EHD2: variants seen among roughly 807,000 people sequenced by gnomAD.
The protein encoded by EHD2 is EH domain containing 2.
A neutral mutation model predicts 41.0 loss-of-function variants in EHD2; 27 were observed. That is an observed-to-expected ratio of 0.66 (90% confidence interval 0.49 to 0.91). The LOEUF (loss-of-function observed/expected upper bound fraction) is 0.91. Ranked by LOEUF, EHD2 falls within the 40% of genes least tolerant of loss-of-function variation. The pLI is 0.00. For missense variants in EHD2, 673 were observed against 773.9 expected, an observed-to-expected ratio of 0.87 and a Z score of 1.55; for synonymous variants, 342 against 341.0, an observed-to-expected ratio of 1.00 and a Z score of -0.03.
chr19:47,731,278 AAATATAT>A (rs1466711885), intron 4 of EHD2: 1 of 37,450 alleles, frequency 2.7e-5, no homozygotes, highest in African/African-American at 6.9e-5. Flanking sequence ...AAAAAAAAAA[AAATATAT>A]ATATATATAT....
chr19:47,725,791 GTCTC>G lies in EHD2; in HGVS notation c.503-18_503-15del. 6.4e-7 allele frequency: 1 copy of G among 1,558,988 alleles called. No individual in the cohort carries two copies. Among genetic ancestry groups the G allele is most frequent in the Non-Finnish European group, 8.7e-7 (1 of 1,147,194 alleles). On this transcript the variant is annotated splice_polypyrimidine_tract_variant and intron_variant, in intron 3 of 5. Coordinates refer to ENST00000263277, the MANE Select transcript of EHD2 (RefSeq NM_014601.4). ...TCTGATTTCTGCCCCTTGCGCCCCT[GTCTC>G]TCCACTCCCACTCCAGGCTACGACT...
intron 3 of EHD2, among the ~76,000 whole-genome samples, chr19:47,721,171 GT>G (rs1327902614): frequency 1.2e-5 from 1 of 86,542 alleles, no homozygotes; most frequent in African/African-American, 6.9e-5. Flanking sequence ...GGGGGTGTGT[GT>G]GTGTGTGTGT....
chr19:47,731,663 G>A (rs1457957536), intron 4 of EHD2, among the ~76,000 whole-genome samples: 1 of 151,908 alleles, frequency 6.6e-6, no homozygotes, highest in Non-Finnish European at 1.5e-5. Context: ...CCATCTCATG[G>A]AAAGGCATTC....
intron 4 of EHD2, among the ~76,000 whole-genome samples, chr19:47,728,374 G>A (rs866290345): frequency 6.6e-6 from 1 of 151,824 alleles, no homozygotes; most frequent in Non-Finnish European, 1.5e-5. Context: ...CCCCTTTCAA[G>A]ACTCTGCTCA....
intron 5 of EHD2, among the ~76,000 whole-genome samples, chr19:47,739,781 G>A (rs545819289): frequency 1.3e-5 from 2 of 151,000 alleles, no homozygotes; most frequent in South Asian, 4.2e-4. Flanking sequence ...AATGTTGTAC[G>A]TGCTGGCTGG....
intron 1 of EHD2, among the ~76,000 whole-genome samples, chr19:47,714,542 C>G (rs1258794295): frequency 6.6e-6 from 1 of 152,122 alleles, no homozygotes; most frequent in African/African-American, 2.4e-5. Flanking sequence ...AGATAGAGAA[C>G]ACAGTCTGGG....
intron 5 of EHD2, among the ~76,000 whole-genome samples, chr19:47,739,080 TTC>T: frequency 1.3e-5 from 2 of 152,028 alleles, no homozygotes; most frequent in African/African-American, 4.8e-5. Context: ...TTTCTTAACT[TTC>T]TTTTTTCTCT....
At chr19:47,717,219 T>G (rs1287409470) in intron 2 of EHD2, among the ~76,000 whole-genome samples, 1 of 152,102 alleles carries the variant, frequency 6.6e-6, no homozygotes, top group East Asian at 1.9e-4. Context: ...AGCGAGTTTT[T>G]GTATTATTAG....
chr19:47,741,349 C>T lies in EHD2; in HGVS notation c.1549C>T (p.Leu517=), dbSNP rs757234499. Reference sequence around the variant, plus strand: ...GGCCAGCCACCTCATCGAGGCCAAGCTGGAAGGCCACGGGCTGCCCGCCAA... The same window carrying T: ...GGCCAGCCACCTCATCGAGGCCAAGTTGGAAGGCCACGGGCTGCCCGCCAA... ...ALASHLIEAK[L]EGHGLPANLP... is the part of the protein sequence containing the mutation. Residue 517 remains leucine (L), a synonymous_variant, in exon 6 of 6, where the codon CTG becomes TTG. Transcript: ENST00000263277. The surrounding 1 kb of genome is among the most constrained non-coding windows in gnomAD (Gnocchi z 4.5). The T allele has an allele frequency of 6.2e-7, 1 of 1,611,282 alleles. No homozygotes were observed. The highest frequency in any genetic ancestry group is 8.5e-7 in the Non-Finnish European group (1 of 1,179,782).
In EHD2 at chr19:47,725,900, G is replaced by A; in HGVS notation, c.591G>A (p.Ser197=). ...TTGATGCGCACAAGCTGGAGATCTC[G>A]GACGAGTTCTCAGAGGCCATCGGCG... ...LLFDAHKLEI[S]DEFSEAIGAL... Residue 197 remains serine (S), a synonymous_variant, in exon 4 of 6, where the codon TCG becomes TCA. Coordinates refer to ENST00000263277, the MANE Select transcript of EHD2 (RefSeq NM_014601.4). 4.3e-6 allele frequency: 7 copies of A among 1,613,890 alleles called. No homozygotes were observed. Among genetic ancestry groups the A allele is most frequent in the Middle Eastern group, 3.3e-4 (2 of 6,060 alleles).
In EHD2 at chr19:47,736,462, G is replaced by A. The variant is rs761425944; in HGVS notation, c.1009G>A (p.Val337Ile). ...GAAGCAGCTGATCCTCAAACTGCCC[G>A]TCATCTTTGCGAAGATTCAGCTGGA... Reference protein sequence around the residue: ...KKKQLILKLPVIFAKIQLEHH... With the variant: ...KKKQLILKLPIIFAKIQLEHH... The change falls in exon 5 of 6, where the codon GTC becomes ATC. Residue 337 changes from valine (V) to isoleucine (I), a missense_variant. Val to Ile is a conservative substitution (Grantham distance 29, BLOSUM62 3). Transcript: ENST00000263277. 9.9e-6 allele frequency: 16 copies of A among 1,612,774 alleles called. No individual in the cohort carries two copies. Among genetic ancestry groups the A allele is most frequent in the South Asian group, 4.4e-5 (4 of 90,750 alleles).
At position 47,736,431 on chromosome 19, in the gene EHD2, C is replaced by G. The variant is rs199780537; in HGVS notation, c.978C>G (p.Asn326Lys). The change falls in exon 5 of 6, where the codon AAC becomes AAG. Residue 326 changes from asparagine to lysine, a missense_variant. Asn to Lys is a moderately conservative substitution (Grantham distance 94). Transcript: ENST00000263277. Reference protein sequence around the residue: ...KEMPSVFGKENKKKQLILKLP... With the variant: ...KEMPSVFGKEKKKKQLILKLP... ...TGCCCTCTGTGTTTGGGAAGGAGAA[C>G]AAGAAGAAGCAGCTGATCCTCAAAC... The G allele has an allele frequency of 1.1e-5, 17 of 1,613,146 alleles. No homozygotes were observed. The highest frequency in any genetic ancestry group is 1.6e-4 in the Middle Eastern group (1 of 6,080).
At chr19:47,727,615 C>T (rs371443918) in intron 4 of EHD2, among the ~76,000 whole-genome samples, 4 of 151,692 alleles carry the variant, frequency 2.6e-5, no homozygotes, top group South Asian at 2.1e-4. Flanking sequence ...CGGTGGCTCA[C>T]GCCTGTAATC....
At chr19:47,721,723 G>A (rs1446767388) in intron 3 of EHD2, among the ~76,000 whole-genome samples, 3 of 151,976 alleles carry the variant, frequency 2.0e-5, no homozygotes, top group East Asian at 3.9e-4. Context: ...AGTGGTTCAC[G>A]CCTGTAATCC....
At chr19:47,722,392 C>T (rs568105595) in intron 3 of EHD2, among the ~76,000 whole-genome samples, 1 of 152,254 alleles carries the variant, frequency 6.6e-6, no homozygotes, top group East Asian at 1.9e-4. Context: ...CCCTTCCTCC[C>T]CCAAAACAAC....
rs183150676 is a variant in EHD2, at chr19:47,719,012, C to T, written c.502+406C>T. On this transcript the variant is annotated intron_variant, in intron 3 of 5. Transcript: ENST00000263277. This position sits in a 1 kb window ranked among gnomAD's most constrained non-coding sequence, Gnocchi z 4.1. The stretch of plus-strand genomic sequence containing the variant: ...TCTAGAGGAGGAGGGGCGGTGTCTC[C>T]GCTGGGACTTGGGCCTGTGTCCTCT... 2.0e-5 allele frequency among the ~76,000 whole-genome samples: 3 copies of T among 152,178 alleles called. No homozygotes were observed. Among genetic ancestry groups the T allele is most frequent in the African/African-American group, 7.2e-5 (3 of 41,510 alleles).
chr19:47,725,791 G>A (rs1973744192), intron 3 of EHD2, 21 bp from the exon 4 acceptor site: 1 of 1,558,870 alleles, frequency 6.4e-7, no homozygotes, highest in Non-Finnish European at 8.7e-7. Flanking sequence ...TTGCGCCCCT[G>A]TCTCTCCACT....
chr19:47,737,392 C>T (rs1966935981), intron 5 of EHD2, among the ~76,000 whole-genome samples: 1 of 151,914 alleles, frequency 6.6e-6, no homozygotes, highest in Non-Finnish European at 1.5e-5. Flanking sequence ...TGCAGTGGCT[C>T]ATGCCTGTAA....
chr19:47,720,471 T>C (rs969239108), intron 3 of EHD2, among the ~76,000 whole-genome samples: 16 of 151,958 alleles, frequency 1.1e-4, no homozygotes, highest in Non-Finnish European at 2.1e-4. Flanking sequence ...ATGCCCGGCC[T>C]GCTGGATGAC....
Sources: gnomAD v4.1 joint callset for allele counts (sites outside exome capture counted in the v4.1 genomes callset) on GRCh38, gnomAD v4.1.1 for gene constraint, Gnocchi (gnomAD v3.1) non-coding constraint, MANE v1.5 for transcripts, NCBI Gene and HGNC (gene_info 2026-07-23, HGNC 2026-07-21) for gene names.